Variants in QKI observed in about 807,000 individuals in gnomAD.
QKI encodes the protein QKI, KH domain containing RNA binding.
In QKI, 10 loss-of-function variants were observed where a neutral mutation model predicts 39.0. That is an observed-to-expected ratio of 0.26 (90% CI 0.16 to 0.43). The LOEUF (loss-of-function observed/expected upper bound fraction) is 0.43. Among genes scored for constraint, QKI ranks in the 20% least tolerant of loss-of-function variants. The pLI is 1.00. For missense variants in QKI, 218 were observed against 428.0 expected (o/e 0.51, Z 4.33); for synonymous variants, 204 against 155.4 (o/e 1.31, Z -2.33).
intron 1 of QKI, among the ~76,000 whole-genome samples, chr6:163,418,495 G>A (rs6939751): frequency 0.01 from 1,536 of 151,992 alleles, 26 homozygotes; most frequent in African/African-American, 0.035. Flanking sequence ...TTTGTTTTTT[G>A]CTGTTGCTGG....
At chr6:163,567,059 T>C (rs1337499352) in intron 7 of QKI, 17 of 1,092,358 alleles carry the variant, frequency 1.6e-5, no homozygotes, top group Middle Eastern at 4.1e-4. Context: ...ATTAGTCAAT[T>C]TGGGGAGCTA....
chr6:163,561,088 T>C (rs1782965746), intron 4 of QKI, among the ~76,000 whole-genome samples: 1 of 152,182 alleles, frequency 6.6e-6, no homozygotes, highest in African/African-American at 2.4e-5. Flanking sequence ...CTAATTAGAT[T>C]GAAAGGAGAC....
chr6:163,517,299 A>G (rs9458846), intron 3 of QKI, among the ~76,000 whole-genome samples: 6,605 of 152,280 alleles, frequency 0.043, 172 homozygotes, highest in African/African-American at 0.073. Context: ...CTAATGGAAT[A>G]TGTCAGGTTA....
intron 1 of QKI, among the ~76,000 whole-genome samples, chr6:163,427,901 A>T (rs1788534506): frequency 6.6e-6 from 1 of 152,242 alleles, no homozygotes; most frequent in East Asian, 1.9e-4. Context: ...GGGAAACCTC[A>T]TAGGTAGAAA....
chr6:163,563,873 T>C, intron 6 of QKI, 154 bp downstream of exon 6: 1 of 1,434,290 alleles, frequency 7.0e-7, no homozygotes. Context: ...CAGCCTCTCA[T>C]AAGGGTTCCC....
At chr6:163,449,804 C>T (rs1189271701) in intron 1 of QKI, among the ~76,000 whole-genome samples, 1 of 152,112 alleles carries the variant, frequency 6.6e-6, no homozygotes, top group Non-Finnish European at 1.5e-5. Flanking sequence ...ATTTTATACA[C>T]AGCCTTAGCT....
In QKI at chr6:163,510,498, T is replaced by C. The variant is rs900529942; in HGVS notation, c.403-24484T>C. 4.0e-5 allele frequency among the ~76,000 whole-genome samples: 6 copies of C among 151,890 alleles called. No individual in the cohort carries two copies. In the East Asian group the frequency reaches 1.2e-3, roughly 29 times the overall value. ...ATTGCTTCAACTCGGGAGGTGTGGGTTGCAGTGAGCCAAGATTGTGCCACT... is the reference window on the plus strand; with the variant it reads ...ATTGCTTCAACTCGGGAGGTGTGGGCTGCAGTGAGCCAAGATTGTGCCACT... On this transcript the variant is annotated intron_variant, in intron 3 of 7. Coordinates refer to ENST00000361752, the MANE Select transcript of QKI (RefSeq NM_006775.3).
intron 3 of QKI, among the ~76,000 whole-genome samples, chr6:163,498,627 TG>T (rs1456582541): frequency 3.9e-5 from 6 of 152,116 alleles, no homozygotes; most frequent in African/African-American, 1.4e-4. Flanking sequence ...CCTTTTAAGT[TG>T]GAGTAATTCC....
At chr6:163,535,387 C>CT (rs1350237714) in intron 4 of QKI, among the ~76,000 whole-genome samples, 1 of 151,832 alleles carries the variant, frequency 6.6e-6, no homozygotes, top group Non-Finnish European at 1.5e-5. Context: ...GTTATCAGTT[C>CT]TCCTTCCTTC....
intron 1 of QKI, among the ~76,000 whole-genome samples, chr6:163,450,432 A>T (rs901925384): frequency 6.6e-6 from 1 of 152,342 alleles, no homozygotes; most frequent in Non-Finnish European, 1.5e-5. Context: ...ACAGTAAAAG[A>T]GTAGTGGTAA....
At chr6:163,486,510 T>C (rs895299176) in intron 3 of QKI, among the ~76,000 whole-genome samples, 11 of 152,250 alleles carry the variant, frequency 7.2e-5, no homozygotes, top group African/African-American at 2.7e-4. Context: ...TAACTTCTTT[T>C]ACGTGATGCT....
intron 7 of QKI, chr6:163,569,614 T>C: frequency 2.0e-6 from 2 of 1,012,082 alleles, no homozygotes; most frequent in Middle Eastern, 4.7e-4. Context: ...GAATGATAAC[T>C]TTTCCACTTG....
chr6:163,477,260 C>A (rs1380948532), intron 2 of QKI, among the ~76,000 whole-genome samples: 4 of 152,096 alleles, frequency 2.6e-5, no homozygotes, highest in Non-Finnish European at 5.9e-5. Flanking sequence ...AAGTGATCCA[C>A]CCCGTCTTGG....
chr6:163,415,072 G>A lies in QKI; in HGVS notation c.-122G>A. 1.5e-5 allele frequency: 14 copies of A among 907,664 alleles called. No homozygotes were observed. Among genetic ancestry groups the A allele is most frequent in the Non-Finnish European group, 1.8e-5 (14 of 760,586 alleles). 56.2% of individuals were successfully genotyped at this position (907,664 alleles called of 1,614,324 possible). ...GCTCGGCGCGGGAGCCAGAGCGGGA[G>A]CCGGCGCGGAGCGGGACGCCGGGTC... is the stretch of plus-strand genomic sequence containing the variant. On this transcript the variant is annotated 5_prime_UTR_variant, in exon 1 of 8. Transcript: ENST00000361752.
intron 3 of QKI, among the ~76,000 whole-genome samples, chr6:163,484,134 A>G (rs1347162011): frequency 2.6e-5 from 4 of 151,682 alleles, no homozygotes; most frequent in Non-Finnish European, 4.4e-5. Flanking sequence ...TATTCAATAA[A>G]CCTTTCTCTG....
In QKI at chr6:163,566,465, T is replaced by C. The variant is rs1783367221; in HGVS notation, c.935-256T>C. ...TTTGGATCTAATAGAGCTCATGAAA[T>C]ACTGTAACTTGGGGATTGTAAATGA... On this transcript the variant is annotated intron_variant, in intron 6 of 7. Transcript: ENST00000361752. 8 of 1,315,660 alleles carry C rather than the reference T, an allele frequency of 6.1e-6. No homozygotes were observed. In the South Asian group the frequency reaches 1.1e-4, roughly 18 times the overall value. The allele number at this position is 1,315,660 out of a possible 1,614,324, so 81.5% of individuals were successfully genotyped here. A position where few individuals can be genotyped will look rare whatever the true frequency, so the allele number is the denominator to read the frequency against.
At chr6:163,537,283 G>GCACT (rs1186593041) in intron 4 of QKI, among the ~76,000 whole-genome samples, 1 of 152,154 alleles carries the variant, frequency 6.6e-6, no homozygotes, top group Non-Finnish European at 1.5e-5. Context: ...AGAATACTTA[G>GCACT]CATAATACCT....
At chr6:163,568,955 C>G (rs1372941280) in intron 7 of QKI, 1 of 985,912 alleles carries the variant, frequency 1.0e-6, no homozygotes, top group Non-Finnish European at 1.2e-6. Flanking sequence ...AATGGTCACT[C>G]ACTTCGTTTA....
At chr6:163,562,941 C>T (rs1783123402) in intron 5 of QKI, among the ~76,000 whole-genome samples, 1 of 152,130 alleles carries the variant, frequency 6.6e-6, no homozygotes, top group Admixed American at 6.5e-5. Context: ...AGGAAATGTA[C>T]ATATATACCT....
Sources: gnomAD v4.1 joint callset for allele counts (sites outside exome capture counted in the v4.1 genomes callset) on GRCh38, gnomAD v4.1.1 for gene constraint, MANE v1.5 for transcripts, NCBI Gene and HGNC (gene_info 2026-07-23, HGNC 2026-07-21) for gene names.